Variants in ADAMTS16 observed in about 807,000 individuals in gnomAD.
ADAMTS16 encodes ADAM metallopeptidase with thrombospondin type 1 motif 16.
A neutral mutation model predicts 145.8 loss-of-function variants in ADAMTS16; 94 were observed. The observed-to-expected ratio is 0.64, with a 90% confidence interval of 0.55 to 0.77. The LOEUF (loss-of-function observed/expected upper bound fraction) is 0.77. Among genes scored for constraint, ADAMTS16 ranks in the 30% least tolerant of loss-of-function variants. The pLI is 0.00. For synonymous variants in ADAMTS16, 659 were observed against 604.3 expected (o/e 1.09, Z -1.33); for missense variants, 1,585 against 1,591.5 (o/e 1.00, Z 0.07).
chr5:5,166,441 T>C (rs150532753), intron 3 of ADAMTS16, among the ~76,000 whole-genome samples: 12 of 152,282 alleles, frequency 7.9e-5, no homozygotes, highest in Admixed American at 7.8e-4. Context: ...AAGAGCAACA[T>C]GGCATGGCTG....
At chr5:5,252,972 T>G (rs1737674121) in intron 17 of ADAMTS16, among the ~76,000 whole-genome samples, 1 of 152,212 alleles carries the variant, frequency 6.6e-6, no homozygotes, top group Non-Finnish European at 1.5e-5. Context: ...AAATATACCC[T>G]CTTTTTCATT....
chr5:5,178,768 G>T (rs1273175646), intron 3 of ADAMTS16, among the ~76,000 whole-genome samples: 7 of 152,190 alleles, frequency 4.6e-5, no homozygotes, highest in African/African-American at 1.7e-4. Context: ...CCAGAATGTA[G>T]CCTTGAGCCT....
intron 9 of ADAMTS16, among the ~76,000 whole-genome samples, chr5:5,208,403 C>T (rs892594295): frequency 3.3e-5 from 5 of 152,332 alleles, no homozygotes; most frequent in Admixed American, 2.0e-4. Flanking sequence ...TTTAAATACA[C>T]TTTCCCAAAT....
At chr5:5,209,982 C>G (rs942259907) in intron 10 of ADAMTS16, among the ~76,000 whole-genome samples, 2 of 152,176 alleles carry the variant, frequency 1.3e-5, no homozygotes, top group African/African-American at 4.8e-5. Flanking sequence ...TGGGAATACT[C>G]CCAACTTAAA....
intron 3 of ADAMTS16, among the ~76,000 whole-genome samples, chr5:5,162,003 A>G (rs572483944): frequency 1.3e-5 from 2 of 152,296 alleles, no homozygotes; most frequent in South Asian, 4.1e-4. Flanking sequence ...TCTTTAGTGT[A>G]CCCCAGTACC....
At chr5:5,189,778 C>T (rs188290772) in intron 6 of ADAMTS16, among the ~76,000 whole-genome samples, 193 bp from the exon 7 acceptor site, 9 of 152,286 alleles carry the variant, frequency 5.9e-5, no homozygotes, top group African/African-American at 9.6e-5. Context: ...ACCAGAGAAA[C>T]GTGCCTAAGT....
chr5:5,294,896 A>G (rs1356193567), intron 18 of ADAMTS16, among the ~76,000 whole-genome samples: 1 of 152,180 alleles, frequency 6.6e-6, no homozygotes, highest in Admixed American at 6.5e-5. Flanking sequence ...AGATGTCTAT[A>G]AGCAATGGTT....
chr5:5,188,038 G>A (rs182144689), intron 6 of ADAMTS16, among the ~76,000 whole-genome samples: 1 of 152,064 alleles, frequency 6.6e-6, no homozygotes, highest in Non-Finnish European at 1.5e-5. Context: ...CCTTTAATTG[G>A]CCTGTAAGAA....
chr5:5,234,913 C>A, intron 12 of ADAMTS16, 101 bp from the exon 13 acceptor site: 3 of 869,042 alleles, frequency 3.5e-6, no homozygotes, highest in Non-Finnish European at 3.1e-6. Flanking sequence ...CCTAATTACC[C>A]ATTCTAACAC....
Position 5,189,980 on chromosome 5 carries a change from G to A in ADAMTS16, c.1057G>A (p.Val353Met), listed in dbSNP as rs1183090771. ...CTTGTCTCTTGCACAGCCAGGACTG[G>A]TGATAAGTCACCACGCAGACCACAC... ...ILLEDEQPGL[V>M]ISHHADHTLS... is the part of the protein sequence containing the mutation. Residue 353 changes from valine (V) to methionine (M), a missense_variant, in exon 7 of 23, where the codon GTG becomes ATG. Transcript: ENST00000274181. 1.9e-6 allele frequency: 3 copies of A among 1,610,720 alleles called. No individual in the cohort carries two copies. The highest frequency in any genetic ancestry group is 2.5e-6 in the Non-Finnish European group (3 of 1,178,890).
At chr5:5,227,940 T>C (rs937623302) in intron 11 of ADAMTS16, among the ~76,000 whole-genome samples, 1 of 152,216 alleles carries the variant, frequency 6.6e-6, no homozygotes, top group Non-Finnish European at 1.5e-5. Flanking sequence ...TCTATATACT[T>C]CTGTGGAATG....
intron 17 of ADAMTS16, among the ~76,000 whole-genome samples, chr5:5,250,245 T>G (rs1737580202): frequency 6.6e-6 from 1 of 152,162 alleles, no homozygotes; most frequent in South Asian, 2.1e-4. Flanking sequence ...CTGCCTCCTG[T>G]TCATATCAAA....
rs910925901 is a variant in ADAMTS16 at position 5,319,683 on chromosome 5, C to G, written c.*545C>G. On this transcript the variant is annotated 3_prime_UTR_variant, in exon 23 of 23. Coordinates refer to ENST00000274181, the MANE Select transcript of ADAMTS16 (RefSeq NM_139056.4). Reference sequence around the variant, plus strand: ...GCTCCTCCTCCTCCTCCCCAGCGGCCGAGCATCTCTTACCAGGAACCTGGA... The same window carrying G: ...GCTCCTCCTCCTCCTCCCCAGCGGCGGAGCATCTCTTACCAGGAACCTGGA... 2 of 353,820 alleles carry G rather than the reference C, an allele frequency of 5.7e-6. No homozygotes were observed. The highest frequency in any genetic ancestry group is 4.4e-5 in the African/African-American group (2 of 45,972). 21.9% of individuals were successfully genotyped at this position (353,820 alleles called of 1,614,324 possible). A position where few individuals can be genotyped will look rare whatever the true frequency, so the allele number is the denominator to read the frequency against.
At chr5:5,157,551 T>C (rs1734631712) in intron 3 of ADAMTS16, among the ~76,000 whole-genome samples, 1 of 152,214 alleles carries the variant, frequency 6.6e-6, no homozygotes, top group South Asian at 2.1e-4. Context: ...TCTAATTTTC[T>C]GTCACTGAAT....
At chr5:5,140,832 G>T in intron 2 of ADAMTS16, 66 bp downstream of exon 2, 10 of 1,406,142 alleles carry the variant, frequency 7.1e-6, no homozygotes, top group Admixed American at 2.2e-5. Flanking sequence ...CGTGCCGCTG[G>T]TTTATTAGGT....
intron 18 of ADAMTS16, among the ~76,000 whole-genome samples, chr5:5,284,442 T>A (rs1159959694): frequency 3.9e-5 from 6 of 152,234 alleles, no homozygotes; most frequent in South Asian, 4.1e-4. Flanking sequence ...CAGGTTGAAT[T>A]GTCTATGTAA....
chr5:5,285,161 T>A (rs571006976), intron 18 of ADAMTS16, among the ~76,000 whole-genome samples: 12 of 152,164 alleles, frequency 7.9e-5, no homozygotes, highest in African/African-American at 2.7e-4. Flanking sequence ...TTAAAAAAAA[T>A]AAAGCTATCA....
At chr5:5,166,407 G>A (rs933670790) in intron 3 of ADAMTS16, among the ~76,000 whole-genome samples, 2 of 152,134 alleles carry the variant, frequency 1.3e-5, no homozygotes, top group African/African-American at 4.8e-5. Context: ...CTACAGACCT[G>A]GGTCTAATAT....
chr5:5,292,912 C>T (rs1739390312), intron 18 of ADAMTS16, among the ~76,000 whole-genome samples: 1 of 152,204 alleles, frequency 6.6e-6, no homozygotes, highest in Non-Finnish European at 1.5e-5. Context: ...GTGCCTGGCC[C>T]ATGGGCCCCA....
Sources: gnomAD v4.1 joint callset for allele counts (sites outside exome capture counted in the v4.1 genomes callset) on GRCh38, gnomAD v4.1.1 for gene constraint, MANE v1.5 for transcripts, NCBI Gene and HGNC (gene_info 2026-07-23, HGNC 2026-07-21) for gene names.